The following COG5 variants were observed in gnomAD, a reference collection of about 807,000 sequenced individuals.
COG5 encodes conserved oligomeric Golgi complex subunit 5.
In COG5, 86 loss-of-function variants were observed where a neutral mutation model predicts 110.4. The ratio of observed to expected loss-of-function variants is 0.78; its 90% CI spans 0.65 to 0.93. The LOEUF (loss-of-function observed/expected upper bound fraction) is 0.93, where lower values mean the gene tolerates loss of function less well. COG5 is among the 40% of genes least tolerant of loss of function. The pLI is 0.00. For synonymous variants in COG5, 360 were observed against 334.6 expected (o/e 1.08, Z -0.83); for missense variants, 1,077 against 987.0 (o/e 1.09, Z -1.22).
At chr7:107,482,172 C>CG (rs1018439440) in intron 6 of COG5, among the ~76,000 whole-genome samples, 11 of 151,170 alleles carry the variant, frequency 7.3e-5, no homozygotes, top group African/African-American at 2.7e-4. Context: ...GACAGGGACT[C>CG]GCTCTCTCAC....
In COG5 at chr7:107,528,621, T is replaced by C. The variant is rs535839643; in HGVS notation, c.418-1264A>G. Among the ~76,000 whole-genome samples, 283 of 152,268 alleles carry C rather than the reference T, an allele frequency of 1.9e-3. 2 individuals are homozygous for C. Among genetic ancestry groups the C allele is most frequent in the African/African-American group, 6.6e-3 (274 of 41,552 alleles). On this transcript the variant is annotated intron_variant, in intron 5 of 21. Transcript: ENST00000297135. The stretch of plus-strand genomic sequence containing the variant: ...GACATACTGAATAACCAACATGTAG[T>C]GATCTTCAGCCTCAGTAGTGATTAC...
At chr7:107,274,590 G>T (rs1023995559) in intron 14 of COG5, among the ~76,000 whole-genome samples, 1 of 152,012 alleles carries the variant, frequency 6.6e-6, no homozygotes, top group African/African-American at 2.4e-5. Flanking sequence ...TATGGTTAAG[G>T]CCAGCCTAGA....
At chr7:107,347,852 C>T (rs555815614) in intron 10 of COG5, among the ~76,000 whole-genome samples, 214 of 152,046 alleles carry the variant, frequency 1.4e-3, no homozygotes, top group Non-Finnish European at 2.7e-3. Context: ...GAAGGCCAGG[C>T]GCAGTGGCTC....
At chr7:107,486,047 C>T (rs1797637686) in intron 6 of COG5, among the ~76,000 whole-genome samples, 1 of 152,014 alleles carries the variant, frequency 6.6e-6, no homozygotes, top group Admixed American at 6.6e-5. Context: ...TTCACTTTGA[C>T]ACTAGTATAC....
intron 11 of COG5, among the ~76,000 whole-genome samples, chr7:107,310,514 CTGCAGTCGCTAA>C (rs1808129580): frequency 6.6e-6 from 1 of 152,154 alleles, no homozygotes; most frequent in Non-Finnish European, 1.5e-5. Flanking sequence ...AAAATTAGTG[CTGCAGTCGCTAA>C]TGGCAGATGC....
intron 6 of COG5, among the ~76,000 whole-genome samples, chr7:107,496,651 C>G (rs552618265): frequency 7.1e-6 from 1 of 141,784 alleles, no homozygotes; most frequent in South Asian, 2.2e-4. Flanking sequence ...CAGTGAGACT[C>G]TGTCTCAAAA....
intron 10 of COG5, among the ~76,000 whole-genome samples, chr7:107,345,785 A>G (rs1811551549): frequency 6.6e-6 from 1 of 152,238 alleles, no homozygotes; most frequent in Non-Finnish European, 1.5e-5. Context: ...CACATGAATT[A>G]GGTTGGAGTG....
At chr7:107,312,401 G>A (rs563698774) in intron 11 of COG5, among the ~76,000 whole-genome samples, 1 of 152,290 alleles carries the variant, frequency 6.6e-6, no homozygotes, top group African/African-American at 2.4e-5. Context: ...TAGTAGATGA[G>A]CCATTATAAT....
Position 107,474,818 on chromosome 7 carries a change from A to C in COG5, c.538+52419T>G. 1 of 1,613,178 alleles carries C rather than the reference A, an allele frequency of 6.2e-7. No individual in the cohort carries two copies. The highest frequency in any genetic ancestry group is 2.2e-5 in the East Asian group (1 of 44,784). On this transcript the variant is annotated intron_variant, in intron 6 of 21. Coordinates refer to ENST00000297135, the MANE Select transcript of COG5 (RefSeq NM_006348.5). The surrounding 1 kb of genome is among the most constrained non-coding windows in gnomAD (Gnocchi z 5.7). ...AGATTTTCAACAGGGCAGAAGAAGAAAGCAAGAAAGAAAAAGACAATTTCT... is the reference window on the plus strand; with the variant it reads ...AGATTTTCAACAGGGCAGAAGAAGACAGCAAGAAAGAAAAAGACAATTTCT...
At chr7:107,455,789 G>A (rs1795629027) in intron 6 of COG5, among the ~76,000 whole-genome samples, 2 of 152,030 alleles carry the variant, frequency 1.3e-5, no homozygotes, top group South Asian at 2.1e-4. Context: ...GTCCAGAGCA[G>A]ATCTGTTGTT....
At chr7:107,287,306 T>TA (rs1805723733) in intron 12 of COG5, among the ~76,000 whole-genome samples, 1 of 152,210 alleles carries the variant, frequency 6.6e-6, no homozygotes, top group African/African-American at 2.4e-5. Flanking sequence ...AGTGGCTAGC[T>TA]GTCCCTGTGT....
At position 107,378,117 on chromosome 7, in the gene COG5, C is replaced by A. The variant is rs375807013; in HGVS notation, c.670-5357G>T. Among the ~76,000 whole-genome samples, 34 of 152,276 alleles carry A rather than the reference C, an allele frequency of 2.2e-4. 1 individual carries two copies. The East Asian group carries it at 2.3e-3, about 10-fold the overall frequency. On this transcript the variant is annotated intron_variant, in intron 7 of 21. Transcript: ENST00000297135. ...TGTTCTGCAACCTCTGCTGGTGATA[C>A]CCAGGCAAACAGGGTCTGGAGCGGA...
intron 14 of COG5, among the ~76,000 whole-genome samples, chr7:107,259,850 C>T (rs1315866451): frequency 1.3e-5 from 2 of 151,834 alleles, no homozygotes; most frequent in Admixed American, 1.3e-4. Flanking sequence ...GAGGACTGAT[C>T]ATATTTTGGG....
intron 14 of COG5, among the ~76,000 whole-genome samples, chr7:107,271,802 T>C (rs989037055): frequency 2.6e-5 from 4 of 152,134 alleles, no homozygotes; most frequent in African/African-American, 9.7e-5. Flanking sequence ...CCCTTTTTTT[T>C]CCTCTTTTTA....
intron 21 of COG5, chr7:107,209,060 T>C: frequency 3.0e-6 from 3 of 984,640 alleles, no homozygotes; most frequent in Non-Finnish European, 1.2e-6. Flanking sequence ...TGTAAATGAT[T>C]CTTGTGTGCA....
intron 6 of COG5, among the ~76,000 whole-genome samples, chr7:107,504,333 T>C (rs1156529556): frequency 6.6e-6 from 1 of 152,214 alleles, no homozygotes; most frequent in East Asian, 1.9e-4. Flanking sequence ...CATCCCTGCA[T>C]CCCTGAAATA....
chr7:107,297,314 T>C (rs1000823596), intron 12 of COG5, among the ~76,000 whole-genome samples: 4 of 152,148 alleles, frequency 2.6e-5, no homozygotes, highest in East Asian at 3.9e-4. Flanking sequence ...TTAGGTATTA[T>C]AGGTAACCTA....
chr7:107,290,945 C>T lies in COG5; in HGVS notation c.1313+7197G>A, dbSNP rs146957513. On this transcript the variant is annotated intron_variant, in intron 12 of 21. Coordinates refer to ENST00000297135, the MANE Select transcript of COG5 (RefSeq NM_006348.5). The stretch of plus-strand genomic sequence containing the variant: ...TGCTATGATTACAGGCGTCAGCCAC[C>T]GCACCCAGCCGATTGTATAGTTTTT... Among the ~76,000 whole-genome samples, 7 of 152,262 alleles carry T rather than the reference C, an allele frequency of 4.6e-5. No individual in the cohort carries two copies. The East Asian group carries it at 7.7e-4, about 17-fold the overall frequency.
chr7:107,524,473 A>C (rs1319458567), intron 6 of COG5, among the ~76,000 whole-genome samples: 2 of 152,238 alleles, frequency 1.3e-5, no homozygotes, highest in African/African-American at 4.8e-5. Flanking sequence ...CTAATGAAAA[A>C]CAGAACCACA....
Sources: allele counts gnomAD v4.1 joint callset (sites outside exome capture counted in the v4.1 genomes callset), GRCh38; gene constraint gnomAD v4.1.1; non-coding constraint Gnocchi (gnomAD v3.1); transcripts MANE v1.5; gene names NCBI Gene and HGNC (gene_info 2026-07-23, HGNC 2026-07-21).